The following STX1B variants were observed in gnomAD, a reference collection of about 807,000 sequenced individuals.
STX1B encodes the protein syntaxin-1B.
In STX1B, 7 loss-of-function variants were observed where a neutral mutation model predicts 39.4. The observed-to-expected ratio is 0.18, with a 90% CI of 0.10 to 0.33. STX1B has a LOEUF of 0.33. Ranked by LOEUF, STX1B falls within the 10% of genes least tolerant of loss-of-function variation. STX1B has a pLI of 1.00. For synonymous variants in STX1B, 136 were observed against 144.1 expected, an observed-to-expected ratio of 0.94 and a Z score of 0.40; for missense variants, 198 against 383.2, an observed-to-expected ratio of 0.52 and a Z score of 4.04.
chr16:30,997,270 T>A (rs2056599562), intron 5 of STX1B, among the ~76,000 whole-genome samples: 1 of 152,138 alleles, frequency 6.6e-6, no homozygotes. Flanking sequence ...CACCCCCATC[T>A]TAGGCCAACA....
chr16:31,001,973 G>T lies in STX1B; in HGVS notation c.31-370C>A, dbSNP rs2056632519. On this transcript the variant is annotated intron_variant, in intron 1 of 9. Transcript: ENST00000215095. This position sits in a 1 kb window ranked among gnomAD's most constrained non-coding sequence, Gnocchi z 5.5. ...AGGGTCCTGGACTAGAGTCCCGGGA[G>T]CCTGGATCTCCCTACTGTTCCTGCT... Among the ~76,000 whole-genome samples, 1 of 152,108 alleles carries T rather than the reference G, an allele frequency of 6.6e-6. No homozygotes were observed.
At chr16:30,996,867 G>T in intron 6 of STX1B, 84 bp downstream of exon 6, 1 of 1,571,488 alleles carries the variant, frequency 6.4e-7, no homozygotes, top group East Asian at 2.2e-5. Flanking sequence ...TTAAGCCAGG[G>T]GCCCCCTCCA....
chr16:30,994,301 AAAAAG>A (rs958109287), intron 7 of STX1B, among the ~76,000 whole-genome samples: 6 of 151,734 alleles, frequency 4.0e-5, no homozygotes, highest in African/African-American at 1.2e-4. Flanking sequence ...CAAAAAAAAA[AAAAAG>A]AGTCAGTAGG....
In STX1B at chr16:30,990,985, C is replaced by T. The variant is rs1051412369; in HGVS notation, c.*1836G>A. On this transcript the variant is annotated 3_prime_UTR_variant, in exon 10 of 10. Coordinates refer to ENST00000215095, the MANE Select transcript of STX1B (RefSeq NM_052874.5). ...TCTGAAATAGACATTTCCCCAAACC[C>T]GAGTTCCCTGAGGCAGAGCCCAGAG... 1 of 152,386 alleles carries T rather than the reference C, an allele frequency of 6.6e-6. No homozygotes were observed. Among genetic ancestry groups the T allele is most frequent in the African/African-American group, 2.4e-5 (1 of 41,454 alleles). The allele number at this position is 152,386 out of a possible 1,614,324, so 9.4% of individuals were successfully genotyped here.
rs774900972 is a variant in STX1B, at chr16:31,001,968, C to T, written c.31-365G>A. 1.2e-4 allele frequency among the ~76,000 whole-genome samples: 19 copies of T among 152,078 alleles called. No homozygotes were observed. Among genetic ancestry groups the T allele is most frequent in the Non-Finnish European group, 2.2e-4 (15 of 68,006 alleles). On this transcript the variant is annotated intron_variant, in intron 1 of 9. Transcript: ENST00000215095. This position sits in a 1 kb window ranked among gnomAD's most constrained non-coding sequence, Gnocchi z 5.5. Reference sequence around the variant, plus strand: ...CATGAAGGGTCCTGGACTAGAGTCCCGGGAGCCTGGATCTCCCTACTGTTC... The same window carrying T: ...CATGAAGGGTCCTGGACTAGAGTCCTGGGAGCCTGGATCTCCCTACTGTTC...
At chr16:31,000,605 C>T (rs2056621762) in intron 4 of STX1B, among the ~76,000 whole-genome samples, 2 of 152,020 alleles carry the variant, frequency 1.3e-5, no homozygotes, top group Admixed American at 1.3e-4. Flanking sequence ...CAATTCTCTG[C>T]CTCAGCCTCC....
chr16:31,010,333 C>T, intron 1 of STX1B, 34 bp downstream of exon 1: 2 of 396,856 alleles, frequency 5.0e-6, no homozygotes, highest in Non-Finnish European at 9.8e-6. Context: ...ATATTGGGGT[C>T]CCGCCCCCCC....
At chr16:31,007,284 G>A (rs951921881) in intron 1 of STX1B, among the ~76,000 whole-genome samples, 3 of 152,058 alleles carry the variant, frequency 2.0e-5, no homozygotes, top group African/African-American at 7.2e-5. Flanking sequence ...CGGTCCCTCA[G>A]CAGCCTTCAT....
chr16:30,991,049 AGG>A lies in STX1B; in HGVS notation c.*1770_*1771del, dbSNP rs755755110. The A allele has an allele frequency of 9.8e-5, 15 of 152,778 alleles. No individual in the cohort carries two copies. The highest frequency in any genetic ancestry group is 1.9e-4 in the Non-Finnish European group (13 of 68,068). 9.5% of individuals were successfully genotyped at this position (152,778 alleles called of 1,614,324 possible). A position where few individuals can be genotyped will look rare whatever the true frequency, so the allele number is the denominator to read the frequency against. ...AGTGGGGGACACACAGTCCTCTCCC[AGG>A]TCTGAGGTGGGTGTGTGAGGAAGGG... On this transcript the variant is annotated 3_prime_UTR_variant, in exon 10 of 10. Coordinates refer to ENST00000215095, the MANE Select transcript of STX1B (RefSeq NM_052874.5).
rs376686482 is a variant in STX1B at position 31,001,913 on chromosome 16, G to A, written c.31-310C>T. The stretch of plus-strand genomic sequence containing the variant: ...TTCAATATTTCAACAACGGCTCAAC[G>A]TCAGGCTTGCAGTAACTGACCCTGG... On this transcript the variant is annotated intron_variant, in intron 1 of 9. Coordinates refer to ENST00000215095, the MANE Select transcript of STX1B (RefSeq NM_052874.5). This position sits in a 1 kb window ranked among gnomAD's most constrained non-coding sequence, Gnocchi z 5.5. Among the ~76,000 whole-genome samples the A allele has an allele frequency of 7.9e-5, 12 of 152,236 alleles. No homozygotes were observed. The East Asian group carries it at 1.5e-3, about 20-fold the overall frequency.
intron 1 of STX1B, among the ~76,000 whole-genome samples, chr16:31,002,163 C>T (rs1157942888): frequency 3.3e-5 from 5 of 152,108 alleles, no homozygotes; most frequent in Non-Finnish European, 7.4e-5. Flanking sequence ...CCCTCGCGCC[C>T]TGTGCCCCCC....
intron 1 of STX1B, among the ~76,000 whole-genome samples, chr16:31,009,601 T>A (rs72800846): frequency 0.17 from 25,318 of 151,262 alleles, 2,634 homozygotes; most frequent in Non-Finnish European, 0.24. Flanking sequence ...CCTTCCCCTG[T>A]CCCCCCAAAA....
intron 1 of STX1B, among the ~76,000 whole-genome samples, chr16:31,008,398 C>T (rs2056665060): frequency 6.6e-6 from 1 of 151,958 alleles, no homozygotes; most frequent in Admixed American, 6.6e-5. Flanking sequence ...TGAGGCCTCC[C>T]CCTCCCCTGC....
rs1421565086 is a variant in STX1B at position 30,992,168 on chromosome 16, G to A, written c.*653C>T. 6.6e-6 allele frequency: 1 copy of A among 152,170 alleles called. No homozygotes were observed. Among genetic ancestry groups the A allele is most frequent in the Admixed American group, 6.5e-5 (1 of 15,268 alleles). The allele number at this position is 152,170 out of a possible 1,614,324, so 9.4% of individuals were successfully genotyped here. On this transcript the variant is annotated 3_prime_UTR_variant, in exon 10 of 10. Coordinates refer to ENST00000215095, the MANE Select transcript of STX1B (RefSeq NM_052874.5). ...AGCCCCTGGGGTAACAAAGACATGG[G>A]GTGTCTGCCATGGCCTGTGTGTACC...
At chr16:31,010,066 C>T (rs2056672999) in intron 1 of STX1B, among the ~76,000 whole-genome samples, 1 of 152,052 alleles carries the variant, frequency 6.6e-6, no homozygotes, top group Non-Finnish European at 1.5e-5. Flanking sequence ...CTCCTGATAT[C>T]CACTCTCTCC....
intron 1 of STX1B, among the ~76,000 whole-genome samples, chr16:31,006,400 C>A (rs2056655375): frequency 6.6e-6 from 1 of 152,156 alleles, no homozygotes; most frequent in African/African-American, 2.4e-5. Context: ...GTCATTCATT[C>A]ATCTAACGGA....
Position 30,992,498 on chromosome 16 carries a change from T to G in STX1B, c.*323A>C. ...TCAGACCACGCACACACACCCAAGG[T>G]GGGGGTGGAGGGGGTGCTCTGGTGC... On this transcript the variant is annotated 3_prime_UTR_variant, in exon 10 of 10. Transcript: ENST00000215095. The G allele has an allele frequency of 1.8e-5, 5 of 272,416 alleles. No individual in the cohort carries two copies. The highest frequency in any genetic ancestry group is 5.8e-5 in the South Asian group (1 of 17,110). The allele number at this position is 272,416 out of a possible 1,614,324, so 16.9% of individuals were successfully genotyped here.
chr16:30,993,695 A>C (rs1596714889), intron 7 of STX1B, among the ~76,000 whole-genome samples: 1 of 152,304 alleles, frequency 6.6e-6, no homozygotes, highest in Middle Eastern at 3.4e-3. Context: ...TGAGTGAGTT[A>C]ATATGTACAC....
Position 30,992,581 on chromosome 16 carries a change from C to T in STX1B, c.*240G>A, listed in dbSNP as rs1201470698. The T allele has an allele frequency of 6.2e-6, 3 of 482,590 alleles. No individual in the cohort carries two copies. Among genetic ancestry groups the T allele is most frequent in the African/African-American group, 4.3e-5 (2 of 46,884 alleles). 29.9% of individuals were successfully genotyped at this position (482,590 alleles called of 1,614,324 possible). On this transcript the variant is annotated 3_prime_UTR_variant, in exon 10 of 10. Transcript: ENST00000215095. ...GTGTCCACACGTCTCGAGCATGTGCCGGCGGCATGCATGTTGGTGTGCATG... is the reference window on the plus strand; with the variant it reads ...GTGTCCACACGTCTCGAGCATGTGCTGGCGGCATGCATGTTGGTGTGCATG...
Sources: allele counts gnomAD v4.1 joint callset (sites outside exome capture counted in the v4.1 genomes callset), GRCh38; gene constraint gnomAD v4.1.1; non-coding constraint Gnocchi (gnomAD v3.1); transcripts MANE v1.5; gene names NCBI Gene and HGNC (gene_info 2026-07-23, HGNC 2026-07-21).